C11orf65: variants seen among roughly 807,000 people sequenced by gnomAD.
C11orf65 encodes protein MFI.
A neutral mutation model predicts 35.3 loss-of-function variants in C11orf65; 38 were observed. The observed-to-expected ratio is 1.08, with a 90% confidence interval of 0.83 to 1.41. C11orf65 has a LOEUF of 1.41. C11orf65 is among the 40% of genes most tolerant of loss of function. The pLI is 0.00. For synonymous variants in C11orf65, 105 were observed against 114.4 expected (o/e 0.92, Z 0.53); for missense variants, 370 against 367.1 (o/e 1.01, Z -0.06).
Position 108,344,057 on chromosome 11 carries a change from G to C in C11orf65, c.227-8765C>G, listed in dbSNP as rs1380483645. On this transcript the variant is annotated intron_variant, in intron 2 of 3. Transcript: ENST00000524755. ...CAGAGAACTTGCCCAAGGCCAGTGA[G>C]CTAATAAACAGAGCAAGGATTTGAG... Among the ~76,000 whole-genome samples the C allele has an allele frequency of 3.3e-5, 5 of 152,252 alleles. No individual in the cohort carries two copies. The East Asian group carries it at 9.6e-4, about 29-fold the overall frequency.
intron 2 of C11orf65, chr11:108,345,987 C>T (rs2137045349): frequency 1.3e-6 from 2 of 1,540,148 alleles, no homozygotes; most frequent in Non-Finnish European, 1.8e-6. Flanking sequence ...AGCACTTTTT[C>T]TACATTCTGA....
chr11:108,463,998 C>T (rs1207206383), intron 1 of C11orf65, among the ~76,000 whole-genome samples: 1 of 148,814 alleles, frequency 6.7e-6, no homozygotes, highest in East Asian at 2.0e-4. Context: ...ATCATCTCAG[C>T]TCACTGCAAC....
At chr11:108,330,118 C>T (rs2086097755), downstream of C11orf65, 17 of 1,409,876 alleles carry the variant, frequency 1.2e-5, no homozygotes, top group South Asian at 2.5e-5. Context: ...GGATAAAAAC[C>T]CAACTTTTTT....
chr11:108,319,689 C>CA (rs1447697501), intron 6 of C11orf65, among the ~76,000 whole-genome samples: 1 of 152,150 alleles, frequency 6.6e-6, no homozygotes, highest in Non-Finnish European at 1.5e-5. Flanking sequence ...TAGTGCCTGG[C>CA]ACATAATAGG....
At position 108,374,876 on chromosome 11, in the gene C11orf65, A is replaced by G. The variant is rs752304560; in HGVS notation, c.226+18332T>C. 2.2e-4 allele frequency among the ~76,000 whole-genome samples: 34 copies of G among 152,364 alleles called. 1 individual carries two copies. Among genetic ancestry groups the G allele is most frequent in the South Asian group, 6.2e-4 (3 of 4,830 alleles). ...AGGAGCTGATGCGATCAACTGGAAG[A>G]AAGGGTATCAGCAATGGAAAATGAA... On this transcript the variant is annotated intron_variant, in intron 2 of 3. Coordinates refer to the C11orf65 transcript ENST00000524755.
chr11:108,370,487 A>G lies in C11orf65; in HGVS notation c.226+22721T>C, dbSNP rs1040095760. Reference sequence around the variant, plus strand: ...TTTGCTTTTTTTTTTTCCTTGCCTCATTTTACTGGCTAGGACCTCTCTTTA... The same window carrying G: ...TTTGCTTTTTTTTTTTCCTTGCCTCGTTTTACTGGCTAGGACCTCTCTTTA... On this transcript the variant is annotated intron_variant, in intron 2 of 3. Transcript: ENST00000524755. 8.1e-5 allele frequency among the ~76,000 whole-genome samples: 12 copies of G among 148,476 alleles called. No individual in the cohort carries two copies. In the South Asian group the frequency reaches 1.5e-3, roughly 18 times the overall value.
chr11:108,372,400 G>C (rs888369847), intron 2 of C11orf65, among the ~76,000 whole-genome samples: 3 of 152,132 alleles, frequency 2.0e-5, no homozygotes, highest in African/African-American at 7.2e-5. Context: ...CACCATGTTG[G>C]CCAGGCTGGT....
chr11:108,375,053 A>G (rs2091685111), intron 2 of C11orf65, among the ~76,000 whole-genome samples: 1 of 152,238 alleles, frequency 6.6e-6, no homozygotes, highest in Admixed American at 6.5e-5. Context: ...ACCAAGATGG[A>G]AAACACTCTG....
rs112068807 is a variant in C11orf65 at position 108,416,089 on chromosome 11, A to G, written c.175-8940T>C. ...ATGACTTTTTAGATATAACACCAAA[A>G]GCATAATAGATATGACGGACTTCAT... On this transcript the variant is annotated intron_variant, in intron 3 of 8. Coordinates refer to ENST00000393084, the MANE Select transcript of C11orf65 (RefSeq NM_152587.5). Among the ~76,000 whole-genome samples, 652 of 152,352 alleles carry G rather than the reference A, an allele frequency of 4.3e-3. 5 individuals carry two copies. The highest frequency in any genetic ancestry group is 6.9e-3 in the Non-Finnish European group (471 of 68,034).
chr11:108,447,200 CA>C (rs2093276000), intron 2 of C11orf65, among the ~76,000 whole-genome samples: 1 of 152,102 alleles, frequency 6.6e-6, no homozygotes, highest in Non-Finnish European at 1.5e-5. Context: ...TTTAACACCC[CA>C]CTGTCAACAT....
chr11:108,356,853 C>G (rs951419447), intron 2 of C11orf65, among the ~76,000 whole-genome samples: 6 of 152,182 alleles, frequency 3.9e-5, no homozygotes, highest in South Asian at 2.1e-4. Context: ...TTTGGATTTC[C>G]TTTGAGTGAG....
At chr11:108,437,917 G>A (rs72992160) in intron 2 of C11orf65, among the ~76,000 whole-genome samples, 17,084 of 151,644 alleles carry the variant, frequency 0.11, 1,311 homozygotes, top group Non-Finnish European at 0.15. Flanking sequence ...GGAACACAAG[G>A]GACCCTGAAT....
rs557228130 is a variant in C11orf65, at chr11:108,406,801, G to C, written c.391C>G (p.Arg131Gly). Residue 131 changes from arginine to glycine, a missense_variant, in exon 5 of 9, where the codon CGT (arginine) becomes GGT (glycine). By Grantham distance (125) the Arg-to-Gly change is moderately radical. Coordinates refer to ENST00000393084, the MANE Select transcript of C11orf65 (RefSeq NM_152587.5). Reference protein sequence around the residue: ...QEEDHSGWYHRIENNGWRPVS... With the variant: ...QEEDHSGWYHGIENNGWRPVS... ...GGCCTCCAGCCATTGTTTTCTATAC[G>C]ATGATACCAGCCACTATGATCCTCT... 2.1e-5 allele frequency: 34 copies of C among 1,611,346 alleles called. No individual in the cohort carries two copies. Among genetic ancestry groups the C allele is most frequent in the Middle Eastern group, 3.5e-4 (2 of 5,770 alleles).
At chr11:108,439,894 G>A (rs2093123102) in intron 2 of C11orf65, among the ~76,000 whole-genome samples, 1 of 152,082 alleles carries the variant, frequency 6.6e-6, no homozygotes, top group South Asian at 2.1e-4. Flanking sequence ...GGTGATAGGT[G>A]CACAACATTA....
chr11:108,366,881 G>A, intron 2 of C11orf65: 1 of 228,838 alleles, frequency 4.4e-6, no homozygotes, highest in East Asian at 6.2e-5. Flanking sequence ...TGGGTTCTTT[G>A]CTCCCCATAT....
At chr11:108,352,131 C>T (rs1024890361) in intron 2 of C11orf65, among the ~76,000 whole-genome samples, 3 of 152,162 alleles carry the variant, frequency 2.0e-5, no homozygotes, top group African/African-American at 7.2e-5. Context: ...TTAGGCATAC[C>T]TGGAACCAGG....
chr11:108,343,076 C>T (rs2087785595), intron 2 of C11orf65: 1 of 1,026,132 alleles, frequency 9.7e-7, no homozygotes, highest in Non-Finnish European at 1.5e-6. Flanking sequence ...GATTGGTTTC[C>T]TCCAAGGAGC....
intron 3 of C11orf65, 33 bp from the exon 4 acceptor site, chr11:108,407,182 T>C: frequency 7.2e-7 from 1 of 1,391,842 alleles, no homozygotes; most frequent in Non-Finnish European, 9.9e-7. Flanking sequence ...TATATATTAT[T>C]CTTCAGGATT....
intron 3 of C11orf65, among the ~76,000 whole-genome samples, chr11:108,422,579 G>A (rs113463413): frequency 3.6e-4 from 55 of 152,220 alleles, no homozygotes; most frequent in African/African-American, 1.3e-3. Flanking sequence ...ATATCTGTAG[G>A]GAAGAATGAG....
Sources: gnomAD v4.1 joint callset for allele counts (sites outside exome capture counted in the v4.1 genomes callset) on GRCh38, gnomAD v4.1.1 for gene constraint, MANE v1.5 for transcripts, NCBI Gene and HGNC (gene_info 2026-07-23, HGNC 2026-07-21) for gene names.